Variants in TXLNG observed in about 807,000 individuals in gnomAD.
TXLNG encodes taxilin gamma, also known as gamma-taxilin.
Under a neutral mutation model 38.8 loss-of-function variants are expected in TXLNG, and 5 were observed. The observed-to-expected ratio is 0.13, with a 90% CI of 0.07 to 0.27. TXLNG has a LOEUF of 0.27. TXLNG is among the 10% of genes least tolerant of loss of function. The probability of loss-of-function intolerance (pLI) is 1.00; values close to 1 mark genes in which losing one functional copy is unlikely to be tolerated. For missense variants in TXLNG, 393 were observed against 398.2 expected (o/e 0.99, Z 0.11); for synonymous variants, 182 against 158.2 (o/e 1.15, Z -1.13).
At chrX:16,822,029 G>C (rs1928988922) in intron 3 of TXLNG, among the ~76,000 whole-genome samples, 1 of 105,410 alleles carries the variant, frequency 9.5e-6, no homozygotes, top group Non-Finnish European at 2.0e-5. Flanking sequence ...AATTCTGTTA[G>C]TTTATTGCCT....
In TXLNG at chrX:16,837,692, A is replaced by C. The variant is rs377668096; in HGVS notation, c.1152+7A>C. 1.7e-6 allele frequency: 2 copies of C among 1,158,540 alleles called. No homozygotes were observed. The highest frequency in any genetic ancestry group is 3.6e-5 in the African/African-American group (2 of 56,023). ...CAGACAGGAAATGGAAAAGGTATTTACATATTTTTAGTAGAATAGTATATC... is the reference window on the plus strand; with the variant it reads ...CAGACAGGAAATGGAAAAGGTATTTCCATATTTTTAGTAGAATAGTATATC... On this transcript the variant is annotated splice_region_variant and intron_variant, in intron 8 of 9. Coordinates refer to ENST00000380122, the MANE Select transcript of TXLNG (RefSeq NM_018360.3).
chrX:16,821,385 C>T (rs892832041), intron 3 of TXLNG, among the ~76,000 whole-genome samples: 85 of 111,100 alleles, frequency 7.7e-4, no homozygotes, highest in Non-Finnish European at 1.2e-3. Context: ...GTGATCCGCC[C>T]GCCTTGGCCT....
At chrX:16,786,788 G>T (rs1443726089) in intron 1 of TXLNG, among the ~76,000 whole-genome samples, 199 bp downstream of exon 1, 2 of 109,640 alleles carry the variant, frequency 1.8e-5, no homozygotes, top group Non-Finnish European at 3.8e-5. Flanking sequence ...AAGGGACGAC[G>T]GTTGGGGTTT....
At chrX:16,793,454 A>G (rs1038394687) in intron 1 of TXLNG, among the ~76,000 whole-genome samples, 33 of 106,918 alleles carry the variant, frequency 3.1e-4, no homozygotes, top group African/African-American at 1.1e-3. Context: ...TTCCCACCTT[A>G]TAGTCTGTCC....
At chrX:16,791,861 C>G (rs916181731) in intron 1 of TXLNG, among the ~76,000 whole-genome samples, 5 of 112,515 alleles carry the variant, frequency 4.4e-5, no homozygotes, top group Non-Finnish European at 7.5e-5. Context: ...GCTGGAATTA[C>G]AGGCATGAGC....
intron 1 of TXLNG, among the ~76,000 whole-genome samples, chrX:16,803,060 C>T (rs887062892): frequency 1.8e-5 from 2 of 110,762 alleles, no homozygotes; most frequent in African/African-American, 6.6e-5. Context: ...CCTCGTGATC[C>T]ACCCTCCTTG....
chrX:16,800,906 G>T (rs1437717643), intron 1 of TXLNG, among the ~76,000 whole-genome samples: 2 of 111,734 alleles, frequency 1.8e-5, no homozygotes, highest in African/African-American at 6.5e-5. Context: ...CTGGTGGGAG[G>T]TGATTGGATC....
chrX:16,834,160 G>A, intron 6 of TXLNG, 123 bp from the exon 7 acceptor site: 1 of 514,873 alleles, frequency 1.9e-6, no homozygotes, highest in Non-Finnish European at 3.2e-6. Context: ...GGAACAGACT[G>A]TTTCATCTGT....
chrX:16,809,203 G>C (rs780556862), intron 1 of TXLNG, among the ~76,000 whole-genome samples: 27 of 110,859 alleles, frequency 2.4e-4, no homozygotes, highest in African/African-American at 7.9e-4. Flanking sequence ...TGTGCTGCTG[G>C]TTCCCAGTCA....
At chrX:16,803,032 C>T (rs927068428) in intron 1 of TXLNG, among the ~76,000 whole-genome samples, 2 of 110,228 alleles carry the variant, frequency 1.8e-5, no homozygotes, top group Non-Finnish European at 3.8e-5. Flanking sequence ...CTTGGCCAGG[C>T]TGGTCTTGAA....
chrX:16,841,438 G>A lies in TXLNG; in HGVS notation c.1259G>A (p.Arg420His), dbSNP rs765768071. 3 of 1,198,816 alleles carry A rather than the reference G, an allele frequency of 2.5e-6. No individual in the cohort carries two copies. Among genetic ancestry groups the A allele is most frequent in the East Asian group, 3.0e-5 (1 of 33,659 alleles). The change falls in exon 10 of 10, where the codon CGT becomes CAT. Residue 420 changes from arginine to histidine, a missense_variant. Arg to His is a conservative substitution (Grantham distance 29). Coordinates refer to ENST00000380122, the MANE Select transcript of TXLNG (RefSeq NM_018360.3). Reference protein sequence around the residue: ...LLQMAEEKTVRDKEYKALQIK... With the variant: ...LLQMAEEKTVHDKEYKALQIK... The stretch of plus-strand genomic sequence containing the variant: ...TCTTTTTTCTTACAGAAAACAGTCC[G>A]TGATAAAGAGTACAAGGCCCTTCAA...
chrX:16,801,189 T>C (rs989304635), intron 1 of TXLNG, among the ~76,000 whole-genome samples: 2 of 111,163 alleles, frequency 1.8e-5, no homozygotes, highest in Non-Finnish European at 3.8e-5. Context: ...GGCATTCTTT[T>C]TTTGTTTGTT....
In TXLNG at chrX:16,844,394, C is replaced by T. The variant is rs1930010201; in HGVS notation, c.*2628C>T. On this transcript the variant is annotated 3_prime_UTR_variant, in exon 10 of 10. Transcript: ENST00000380122. ...ACAGCCCACGTCTTTCATGAGGATA[C>T]GAATTGTTAAGAGGCAGTCTCGTTT... 1 of 112,162 alleles carries T rather than the reference C, an allele frequency of 8.9e-6. No homozygotes were observed. The allele number at this position is 112,162 out of a possible 1,213,427, so 9.2% of individuals were successfully genotyped here.
In TXLNG at chrX:16,793,112, AG is replaced by A. The variant is rs766179021; in HGVS notation, c.102+6524del. 1.7e-3 allele frequency among the ~76,000 whole-genome samples: 178 copies of A among 107,763 alleles called. 1 individual carries two copies. The highest frequency in any genetic ancestry group is 4.8e-3 in the Middle Eastern group (1 of 208). The allele number at this position is 107,763 out of a possible 115,157, so 93.6% of individuals were successfully genotyped here. On this transcript the variant is annotated intron_variant, in intron 1 of 9. Transcript: ENST00000380122. ...AGACTCCGTGTCAAAAAAAAAAAAA[AG>A]TATACAATAATATACAAATTTAATA...
intron 3 of TXLNG, among the ~76,000 whole-genome samples, chrX:16,824,671 C>T (rs1389928875): frequency 9.1e-6 from 1 of 109,871 alleles, no homozygotes; most frequent in Non-Finnish European, 1.9e-5. Flanking sequence ...GTAATCCCAG[C>T]ACTTTGGGAG....
intron 7 of TXLNG, among the ~76,000 whole-genome samples, chrX:16,834,736 T>C (rs1929530293): frequency 8.9e-6 from 1 of 112,300 alleles, no homozygotes. Context: ...TACATCTGCA[T>C]ATTTTATTTA....
chrX:16,792,248 A>T (rs1015156417), intron 1 of TXLNG, among the ~76,000 whole-genome samples: 1 of 111,995 alleles, frequency 8.9e-6, no homozygotes, highest in African/African-American at 3.2e-5. Context: ...TGCTTGAATA[A>T]TAGAGCCCAC....
rs1929643206 is a variant in TXLNG at position 16,837,700 on chromosome X, T to G, written c.1152+15T>G. The G allele has an allele frequency of 8.9e-7, 1 of 1,124,881 alleles. No homozygotes were observed. Among genetic ancestry groups the G allele is most frequent in the Non-Finnish European group, 1.2e-6 (1 of 826,037 alleles). 92.7% of individuals were successfully genotyped at this position (1,124,881 alleles called of 1,213,427 possible). On this transcript the variant is annotated intron_variant, in intron 8 of 9. Transcript: ENST00000380122. ...AAATGGAAAAGGTATTTACATATTT[T>G]TAGTAGAATAGTATATCAAATGGAA...
chrX:16,829,517 C>A, intron 4 of TXLNG, 59 bp from the exon 5 acceptor site: 1 of 1,097,137 alleles, frequency 9.1e-7, no homozygotes, highest in Non-Finnish European at 1.2e-6. Flanking sequence ...AGCAGCTTCT[C>A]TTGTGAGCAT....
Sources: allele counts gnomAD v4.1 joint callset (sites outside exome capture counted in the v4.1 genomes callset), GRCh38; gene constraint gnomAD v4.1.1; transcripts MANE v1.5; gene names NCBI Gene and HGNC (gene_info 2026-07-23, HGNC 2026-07-21).